The following DPF3 variants were observed in gnomAD, a reference collection of about 807,000 sequenced individuals.
The protein encoded by DPF3 is zinc finger protein DPF3.
Under a neutral mutation model 56.8 loss-of-function variants are expected in DPF3, and 18 were observed. The observed-to-expected ratio is 0.32, with a 90% CI of 0.22 to 0.47. The LOEUF (loss-of-function observed/expected upper bound fraction) is 0.47, where lower values mean the gene tolerates loss of function less well. DPF3 is among the 20% of genes least tolerant of loss of function. The probability of loss-of-function intolerance (pLI) is 1.00; values close to 1 mark genes in which losing one functional copy is unlikely to be tolerated. For synonymous variants in DPF3, 188 were observed against 180.2 expected (o/e 1.04, Z -0.35); for missense variants, 403 against 488.8 (o/e 0.82, Z 1.65).
At chr14:72,856,870 G>A (rs938871878) in intron 1 of DPF3, among the ~76,000 whole-genome samples, 1 of 152,254 alleles carries the variant, frequency 6.6e-6, no homozygotes, top group Non-Finnish European at 1.5e-5. Flanking sequence ...AAGAGGAAGT[G>A]GGCCTCCCCT....
rs1883930430 is a variant in DPF3 at position 72,614,167 on chromosome 14, C to G, written c.*5130G>C. 6.6e-6 allele frequency among the ~76,000 whole-genome samples: 1 copy of G among 152,302 alleles called. No homozygotes were observed. The highest frequency in any genetic ancestry group is 6.5e-5 in the Admixed American group (1 of 15,300). ...GAGAATCATAAGCAGACTCCCAAAC[C>G]CTGGGAATGCTCAGAAATGGGGGAG... On this transcript the variant is annotated 3_prime_UTR_variant, in exon 11 of 11. Transcript: ENST00000556509.
intron 1 of DPF3, among the ~76,000 whole-genome samples, chr14:72,864,301 C>T (rs1885573460): frequency 6.6e-6 from 1 of 152,108 alleles, no homozygotes; most frequent in African/African-American, 2.4e-5. Flanking sequence ...GAAGCCACCT[C>T]TCGCACCCCC....
chr14:72,791,089 T>A (rs1892410236), intron 1 of DPF3, among the ~76,000 whole-genome samples: 1 of 152,096 alleles, frequency 6.6e-6, no homozygotes, highest in Non-Finnish European at 1.5e-5. Context: ...GGGCCAGCCC[T>A]CTTCATACAG....
chr14:72,717,765 C>G (rs1888992427), intron 5 of DPF3, among the ~76,000 whole-genome samples: 1 of 152,248 alleles, frequency 6.6e-6, no homozygotes, highest in South Asian at 2.1e-4. Flanking sequence ...CCAGGGCCAG[C>G]AGAAGGAGCA....
chr14:72,638,145 G>A (rs1234929018), intron 8 of DPF3, among the ~76,000 whole-genome samples: 1 of 152,218 alleles, frequency 6.6e-6, no homozygotes, highest in African/African-American at 2.4e-5. Flanking sequence ...AAGTGACTAA[G>A]AGAAGAGGGT....
chr14:72,753,724 C>CCT (rs1263039697), intron 2 of DPF3, among the ~76,000 whole-genome samples: 1 of 152,158 alleles, frequency 6.6e-6, no homozygotes, highest in African/African-American at 2.4e-5. Flanking sequence ...ATCCACTGCC[C>CCT]CTCTATCCTG....
intron 1 of DPF3, among the ~76,000 whole-genome samples, chr14:72,874,981 A>T (rs1343616333): frequency 3.9e-5 from 6 of 152,238 alleles, no homozygotes; most frequent in Non-Finnish European, 8.8e-5. Flanking sequence ...GTGGCTGGGG[A>T]GGCCTCGGAA....
rs1888241897 is a variant in DPF3 at position 72,702,982 on chromosome 14, CAAATTCATACCTTT to C, written c.605-9783_605-9770del. ...TACTAACCCGCTATGCACCCTTGGA[CAAATTCATACCTTT>C]CTGGGTCTTGATTTTTCTTATCTGC... On this transcript the variant is annotated intron_variant, in intron 6 of 10. Transcript: ENST00000556509. Among the ~76,000 whole-genome samples, 3 of 152,200 alleles carry C rather than the reference CAAATTCATACCTTT, an allele frequency of 2.0e-5. No homozygotes were observed. The South Asian group carries it at 6.2e-4, about 32-fold the overall frequency.
rs1486250343 is a variant in DPF3 at position 72,613,904 on chromosome 14, G to C, written c.*5393C>G. ...AAGGCAGTTCCCACTCGCTCTGCCTGGGAGGTTGTCTATCCTCCCACATCC... is the reference window on the plus strand; with the variant it reads ...AAGGCAGTTCCCACTCGCTCTGCCTCGGAGGTTGTCTATCCTCCCACATCC... On this transcript the variant is annotated 3_prime_UTR_variant, in exon 11 of 11. Coordinates refer to ENST00000556509, the MANE Select transcript of DPF3 (RefSeq NM_001280542.3). 6.6e-6 allele frequency among the ~76,000 whole-genome samples: 1 copy of C among 152,156 alleles called. No homozygotes were observed. The highest frequency in any genetic ancestry group is 2.4e-5 in the African/African-American group (1 of 41,422).
intron 1 of DPF3, among the ~76,000 whole-genome samples, chr14:72,829,200 T>A (rs1462601996): frequency 6.6e-6 from 1 of 152,210 alleles, no homozygotes; most frequent in Non-Finnish European, 1.5e-5. Context: ...CTTTTTGTCC[T>A]ATGGAGATTA....
At position 72,771,863 on chromosome 14, in the gene DPF3, A is replaced by G. The variant is rs377143021; in HGVS notation, c.63T>C (p.Ile21=). The G allele has an allele frequency of 8.7e-5, 140 of 1,606,570 alleles. No homozygotes were observed. Among genetic ancestry groups the G allele is most frequent in the Non-Finnish European group, 1.1e-4 (135 of 1,176,388 alleles). The change falls in exon 2 of 11, where the codon ATT becomes ATC. Residue 21 remains isoleucine (I), a synonymous_variant. Transcript: ENST00000556509. ...ALGDQFYKEA[I]EHCRSYNSRL... Reference sequence around the variant, plus strand: ...GTGAGTTGTAACTCCGGCAGTGCTCAATGGCTTCCTTGTAGAACTGGTCCC... The same window carrying G: ...GTGAGTTGTAACTCCGGCAGTGCTCGATGGCTTCCTTGTAGAACTGGTCCC...
intron 6 of DPF3, among the ~76,000 whole-genome samples, chr14:72,708,760 G>T (rs188635596): frequency 6.6e-6 from 1 of 152,140 alleles, no homozygotes; most frequent in African/African-American, 2.4e-5. Flanking sequence ...CCATCCCATC[G>T]CACCTCTTGG....
chr14:72,872,230 C>A (rs1029241111), intron 1 of DPF3, among the ~76,000 whole-genome samples: 8 of 152,190 alleles, frequency 5.3e-5, no homozygotes, highest in Non-Finnish European at 8.8e-5. Flanking sequence ...ACCCACGAAA[C>A]TTCTTTTACC....
chr14:72,839,544 C>T (rs1007904537), intron 1 of DPF3, among the ~76,000 whole-genome samples: 5 of 152,256 alleles, frequency 3.3e-5, no homozygotes, highest in South Asian at 2.1e-4. Flanking sequence ...GGCGAAATGA[C>T]GCAGGGGCCA....
chr14:72,657,210 T>C (rs755961911), intron 8 of DPF3, among the ~76,000 whole-genome samples: 3 of 152,232 alleles, frequency 2.0e-5, no homozygotes, highest in South Asian at 2.1e-4. Flanking sequence ...ATTTCTCTAA[T>C]GGCAACAACT....
At chr14:72,691,525 G>A (rs994335932) in intron 7 of DPF3, among the ~76,000 whole-genome samples, 13 of 152,096 alleles carry the variant, frequency 8.5e-5, no homozygotes, top group Admixed American at 2.0e-4. Flanking sequence ...TCAAGAGATC[G>A]AGACCATCCT....
At chr14:72,735,792 T>C (rs1180908597) in intron 3 of DPF3, among the ~76,000 whole-genome samples, 2 of 152,210 alleles carry the variant, frequency 1.3e-5, no homozygotes, top group Non-Finnish European at 2.9e-5. Context: ...ATGTGGTAAA[T>C]GGGTGTGGTC....
At chr14:72,633,614 T>G (rs1885286473) in intron 8 of DPF3, among the ~76,000 whole-genome samples, 1 of 152,160 alleles carries the variant, frequency 6.6e-6, no homozygotes, top group East Asian at 1.9e-4. Context: ...TAGTTTGTCC[T>G]TGCTCAATAA....
chr14:72,672,201 T>C (rs1886720113), intron 8 of DPF3, among the ~76,000 whole-genome samples: 1 of 152,140 alleles, frequency 6.6e-6, no homozygotes, highest in African/African-American at 2.4e-5. Context: ...AATCAGAGCA[T>C]CCTGAAATTT....
Sources: gnomAD v4.1 joint callset for allele counts (sites outside exome capture counted in the v4.1 genomes callset) on GRCh38, gnomAD v4.1.1 for gene constraint, MANE v1.5 for transcripts, NCBI Gene and HGNC (gene_info 2026-07-23, HGNC 2026-07-21) for gene names.